PREX2: variants seen among roughly 807,000 people sequenced by gnomAD.
PREX2 encodes phosphatidylinositol 3,4,5-trisphosphate-dependent Rac exchanger 2 protein.
Under a neutral mutation model 203.2 loss-of-function variants are expected in PREX2, and 107 were observed. The ratio of observed to expected loss-of-function variants is 0.53; its 90% CI spans 0.45 to 0.62. The LOEUF (loss-of-function observed/expected upper bound fraction) is 0.62. Among genes scored for constraint, PREX2 ranks in the 20% least tolerant of loss-of-function variants. PREX2 has a pLI of 0.00. For missense variants in PREX2, 1,777 were observed against 1,955.9 expected, an observed-to-expected ratio of 0.91 and a Z score of 1.72; for synonymous variants, 672 against 663.6, an observed-to-expected ratio of 1.01 and a Z score of -0.19.
intron 23 of PREX2, among the ~76,000 whole-genome samples, chr8:68,102,380 A>G (rs1039732835): frequency 5.3e-5 from 8 of 152,242 alleles, no homozygotes; most frequent in Non-Finnish European, 1.5e-5. Context: ...CCATTTGGCC[A>G]TAAACATATT....
At chr8:68,135,554 C>G (rs771601349) in intron 32 of PREX2, among the ~76,000 whole-genome samples, 16 of 152,084 alleles carry the variant, frequency 1.1e-4, no homozygotes, top group Non-Finnish European at 2.1e-4. Flanking sequence ...ATATGGATGG[C>G]TGTAATACAA....
intron 35 of PREX2, 59 bp from the exon 36 acceptor site, chr8:68,191,663 C>A: frequency 8.5e-7 from 1 of 1,182,994 alleles, no homozygotes; most frequent in Non-Finnish European, 1.3e-6. Flanking sequence ...TGAACATCTT[C>A]ATGCATATTA....
At chr8:67,971,471 A>C (rs911492820) in intron 1 of PREX2, among the ~76,000 whole-genome samples, 2 of 152,162 alleles carry the variant, frequency 1.3e-5, no homozygotes, top group African/African-American at 4.8e-5. Flanking sequence ...TAGGGTTCAG[A>C]AATACAAGGA....
chr8:68,006,762 C>T lies in PREX2; in HGVS notation c.142-11084C>T, dbSNP rs184896624. On this transcript the variant is annotated intron_variant, in intron 1 of 39. Transcript: ENST00000288368. ...CCTAGGACAGTTTCATTTACATCCC[C>T]AAAATGTTGGTTCTTGAGGACCTAA... Among the ~76,000 whole-genome samples, 255 of 152,262 alleles carry T rather than the reference C, an allele frequency of 1.7e-3. 2 individuals are homozygous for T. The highest frequency in any genetic ancestry group is 6.0e-3 in the African/African-American group (251 of 41,552).
chr8:68,219,680 C>T (rs1812916282), intron 38 of PREX2, among the ~76,000 whole-genome samples: 1 of 152,116 alleles, frequency 6.6e-6, no homozygotes, highest in African/African-American at 2.4e-5. Flanking sequence ...AGCCTGGGAC[C>T]CTCTTTAAGG....
At chr8:68,139,288 G>A (rs1478841613) in intron 33 of PREX2, among the ~76,000 whole-genome samples, 1 of 152,134 alleles carries the variant, frequency 6.6e-6, no homozygotes, top group Non-Finnish European at 1.5e-5. Context: ...AAGGAGAGCA[G>A]GCCCTGAAAA....
At chr8:68,161,180 T>C (rs7007590) in intron 35 of PREX2, among the ~76,000 whole-genome samples, 74,643 of 151,586 alleles carry the variant, frequency 0.49, 19,514 homozygotes, top group African/African-American at 0.68. Context: ...CTGCAACCTC[T>C]GCCTCCTGGA....
chr8:68,106,383 A>G (rs1049326544), intron 23 of PREX2: 2 of 482,952 alleles, frequency 4.1e-6, no homozygotes, highest in Admixed American at 2.4e-5. Flanking sequence ...ATAGGTCAGG[A>G]TTTCTCTAAA....
rs143011984 is a variant in PREX2 at position 67,965,937 on chromosome 8, G to A, written c.141+13402G>A. Reference sequence around the variant, plus strand: ...ATGTTTCTCCTGTATAATTTTTAGTGCGCTAATAATTCTCACATGTAAGTT... The same window carrying A: ...ATGTTTCTCCTGTATAATTTTTAGTACGCTAATAATTCTCACATGTAAGTT... On this transcript the variant is annotated intron_variant, in intron 1 of 39. Coordinates refer to ENST00000288368, the MANE Select transcript of PREX2 (RefSeq NM_024870.4). Among the ~76,000 whole-genome samples, 780 of 152,184 alleles carry A rather than the reference G, an allele frequency of 5.1e-3. 10 individuals are homozygous for A. Among genetic ancestry groups the A allele is most frequent in the African/African-American group, 0.018 (746 of 41,532 alleles).
chr8:68,227,295 A>C (rs1319785790), intron 39 of PREX2, among the ~76,000 whole-genome samples: 2 of 152,162 alleles, frequency 1.3e-5, no homozygotes, highest in African/African-American at 4.8e-5. Flanking sequence ...CACGAATTGG[A>C]TAAAGGAGTT....
intron 6 of PREX2, among the ~76,000 whole-genome samples, chr8:68,032,840 A>G (rs975634767): frequency 1.3e-5 from 2 of 152,168 alleles, no homozygotes; most frequent in African/African-American, 4.8e-5. Flanking sequence ...TACAGAATGC[A>G]GAGTTCCCTG....
At chr8:68,085,139 A>G (rs1217264697) in intron 18 of PREX2, among the ~76,000 whole-genome samples, 2 of 152,224 alleles carry the variant, frequency 1.3e-5, no homozygotes, top group African/African-American at 4.8e-5. Flanking sequence ...AAATGGGGAT[A>G]AGAGTACCTG....
At chr8:68,164,585 C>CTTTTTTTTTTTTTTTT (rs755033458) in intron 35 of PREX2, among the ~76,000 whole-genome samples, 1 of 135,264 alleles carries the variant, frequency 7.4e-6, no homozygotes. Flanking sequence ...TTTCTTTTTT[C>CTTTTTTTTTTTTTTTT]TTTTTTTTTT....
chr8:67,974,757 C>A (rs9886633), intron 1 of PREX2, among the ~76,000 whole-genome samples: 2 of 151,992 alleles, frequency 1.3e-5, no homozygotes, highest in African/African-American at 2.4e-5. Context: ...TCCTCCTAAC[C>A]TAGAGATGAT....
intron 1 of PREX2, among the ~76,000 whole-genome samples, chr8:67,978,285 C>T (rs568384832): frequency 6.6e-6 from 1 of 152,116 alleles, no homozygotes; most frequent in Admixed American, 6.5e-5. Flanking sequence ...TTTTTTTTCC[C>T]CATATCCTTA....
chr8:68,128,167 T>TG (rs1810934239), intron 31 of PREX2, among the ~76,000 whole-genome samples: 1 of 152,220 alleles, frequency 6.6e-6, no homozygotes, highest in Non-Finnish European at 1.5e-5. Context: ...GATGTTAGCC[T>TG]GCTGTGCGTC....
At chr8:68,152,714 CACTG>C (rs148539231) in intron 34 of PREX2, among the ~76,000 whole-genome samples, 1,888 of 152,286 alleles carry the variant, frequency 0.012, 33 homozygotes, top group African/African-American at 0.042. Context: ...TCCCTGGAAA[CACTG>C]ACCAGCAAGG....
intron 1 of PREX2, among the ~76,000 whole-genome samples, chr8:67,998,363 C>T (rs1420685279): frequency 6.6e-6 from 1 of 152,228 alleles, no homozygotes; most frequent in Non-Finnish European, 1.5e-5. Flanking sequence ...TTCTCCTGCC[C>T]TGTCCCCAAC....
chr8:68,071,343 A>G (rs1446919816), intron 13 of PREX2, among the ~76,000 whole-genome samples: 2 of 152,168 alleles, frequency 1.3e-5, no homozygotes, highest in Non-Finnish European at 2.9e-5. Context: ...ACTTAGCATG[A>G]AGAGCCGTAG....
Sources: gnomAD v4.1 joint callset for allele counts (sites outside exome capture counted in the v4.1 genomes callset) on GRCh38, gnomAD v4.1.1 for gene constraint, MANE v1.5 for transcripts, NCBI Gene and HGNC (gene_info 2026-07-23, HGNC 2026-07-21) for gene names.